Variants in PTPRO observed in about 807,000 individuals in gnomAD.
The protein encoded by PTPRO is protein tyrosine phosphatase receptor type O, also known as receptor-type tyrosine-protein phosphatase O.
PTPRO carries 62 observed loss-of-function variants against 145.2 expected under a neutral mutation model. The ratio of observed to expected loss-of-function variants is 0.43; its 90% CI spans 0.35 to 0.53. PTPRO has a LOEUF of 0.53. Ranked by LOEUF, PTPRO falls within the 20% of genes least tolerant of loss-of-function variation. PTPRO has a pLI of 0.01. For synonymous variants in PTPRO, 565 were observed against 514.7 expected (o/e 1.10, Z -1.32); for missense variants, 1,345 against 1,482.7 (o/e 0.91, Z 1.53).
chr12:15,444,510 GT>G (rs2136365993), intron 1 of PTPRO, among the ~76,000 whole-genome samples: 1 of 152,034 alleles, frequency 6.6e-6, no homozygotes, highest in South Asian at 2.1e-4. Context: ...GAAAAAAAAA[GT>G]TTTAAAGGCA....
intron 1 of PTPRO, among the ~76,000 whole-genome samples, chr12:15,472,371 T>C (rs1187937838): frequency 2.6e-5 from 4 of 152,234 alleles, no homozygotes; most frequent in Admixed American, 6.5e-5. Flanking sequence ...ATCACTTTTC[T>C]GCATTACAAG....
chr12:15,382,159 A>AAAATATAT (rs1555152556), intron 1 of PTPRO, among the ~76,000 whole-genome samples: 1 of 145,724 alleles, frequency 6.9e-6, no homozygotes, highest in African/African-American at 2.5e-5. Flanking sequence ...AAAAGTGAGA[A>AAAATATAT]ATATATATAT....
intron 12 of PTPRO, among the ~76,000 whole-genome samples, chr12:15,529,466 C>T (rs1003852673): frequency 3.9e-5 from 4 of 103,694 alleles, no homozygotes; most frequent in Non-Finnish European, 7.9e-5. Flanking sequence ...CTCATCTCTA[C>T]TAAAAAAAAA....
chr12:15,391,931 C>T (rs1264727654), intron 1 of PTPRO, among the ~76,000 whole-genome samples: 2 of 152,148 alleles, frequency 1.3e-5, no homozygotes, highest in African/African-American at 4.8e-5. Flanking sequence ...CACCATATAA[C>T]AGCCATCGAC....
At chr12:15,375,289 G>A (rs1938648861) in intron 1 of PTPRO, among the ~76,000 whole-genome samples, 1 of 152,078 alleles carries the variant, frequency 6.6e-6, no homozygotes, top group Non-Finnish European at 1.5e-5. Context: ...GCATACACAG[G>A]GGAAAAGAAA....
chr12:15,394,064 A>G (rs1939268801), intron 1 of PTPRO, among the ~76,000 whole-genome samples: 1 of 152,104 alleles, frequency 6.6e-6, no homozygotes, highest in African/African-American at 2.4e-5. Flanking sequence ...TAAGCCATGA[A>G]TGGACTAATA....
chr12:15,513,158 A>AGGAAGGAAGG, intron 7 of PTPRO, among the ~76,000 whole-genome samples: 1 of 2,214 alleles, frequency 4.5e-4, no homozygotes, highest in African/African-American at 1.3e-3. Flanking sequence ...AAAGAAAGAA[A>AGGAAGGAAGG]AAGAAAGAAA....
chr12:15,544,348 C>CA (rs1287496235), intron 12 of PTPRO, among the ~76,000 whole-genome samples: 2 of 151,212 alleles, frequency 1.3e-5, no homozygotes, highest in Non-Finnish European at 3.0e-5. Context: ...ACTAAAAATA[C>CA]AAAAAAATTA....
intron 1 of PTPRO, among the ~76,000 whole-genome samples, chr12:15,472,521 A>G (rs1259649899): frequency 2.6e-5 from 4 of 152,146 alleles, no homozygotes; most frequent in Non-Finnish European, 5.9e-5. Context: ...CTTCCCGCTT[A>G]ACAAGTGCCT....
At chr12:15,390,336 A>G (rs1463645772) in intron 1 of PTPRO, among the ~76,000 whole-genome samples, 1 of 152,188 alleles carries the variant, frequency 6.6e-6, no homozygotes, top group Non-Finnish European at 1.5e-5. Flanking sequence ...AAGAAATTTA[A>G]TAAACTCACA....
chr12:15,394,331 G>A (rs959918501), intron 1 of PTPRO, among the ~76,000 whole-genome samples: 1 of 152,022 alleles, frequency 6.6e-6, no homozygotes, highest in African/African-American at 2.4e-5. Flanking sequence ...TTCTTCATCT[G>A]TGTAAGAGTA....
intron 1 of PTPRO, among the ~76,000 whole-genome samples, chr12:15,404,850 T>C (rs777703249): frequency 1.3e-5 from 2 of 152,174 alleles, no homozygotes; most frequent in African/African-American, 2.4e-5. Flanking sequence ...AAAAATACCA[T>C]AGACTAAGTG....
intron 1 of PTPRO, among the ~76,000 whole-genome samples, chr12:15,397,623 C>A (rs1385229193): frequency 1.3e-5 from 2 of 152,124 alleles, no homozygotes; most frequent in Non-Finnish European, 2.9e-5. Context: ...GTCTCAATGA[C>A]CCACAAGGCA....
chr12:15,550,653 C>G (rs1943432018), intron 14 of PTPRO, among the ~76,000 whole-genome samples: 1 of 152,204 alleles, frequency 6.6e-6, no homozygotes, highest in Non-Finnish European at 1.5e-5. Flanking sequence ...ATTGTTCTTT[C>G]TGTTTAAGCA....
At chr12:15,535,535 T>G (rs1369669153) in intron 12 of PTPRO, among the ~76,000 whole-genome samples, 1 of 152,198 alleles carries the variant, frequency 6.6e-6, no homozygotes, top group Non-Finnish European at 1.5e-5. Flanking sequence ...TCATATAACT[T>G]TAGTGCTAGG....
intron 6 of PTPRO, among the ~76,000 whole-genome samples, chr12:15,507,733 C>A (rs183252906): frequency 1.1e-3 from 168 of 152,328 alleles, no homozygotes; most frequent in African/African-American, 4.0e-3. Flanking sequence ...TTACACCAAA[C>A]CTTAGTCTGT....
chr12:15,423,429 A>G (rs1182214556), intron 1 of PTPRO, among the ~76,000 whole-genome samples: 1 of 152,208 alleles, frequency 6.6e-6, no homozygotes, highest in Admixed American at 6.5e-5. Flanking sequence ...ATATTTAATT[A>G]TAGTTTATTT....
At chr12:15,327,932 G>A (rs1866493007) in intron 1 of PTPRO, among the ~76,000 whole-genome samples, 1 of 151,976 alleles carries the variant, frequency 6.6e-6, no homozygotes, top group African/African-American at 2.4e-5. Flanking sequence ...TGGCAAACAT[G>A]GTGAAACCCC....
intron 1 of PTPRO, among the ~76,000 whole-genome samples, chr12:15,372,681 AGTAAATT>A (rs1435642291): frequency 3.3e-5 from 5 of 152,324 alleles, no homozygotes; most frequent in African/African-American, 1.2e-4. Context: ...TGCCTATATT[AGTAAATT>A]GTTGTGGGTG....
Sources: allele counts gnomAD v4.1 joint callset (sites outside exome capture counted in the v4.1 genomes callset), GRCh38; gene constraint gnomAD v4.1.1; transcripts MANE v1.5; gene names NCBI Gene and HGNC (gene_info 2026-07-23, HGNC 2026-07-21).